Variants in MNS1 observed in about 807,000 individuals in gnomAD.
MNS1 encodes meiosis-specific nuclear structural protein 1.
MNS1 carries 63 observed loss-of-function variants against 72.0 expected under a neutral mutation model. The ratio of observed to expected loss-of-function variants is 0.87; its 90% CI spans 0.71 to 1.08. MNS1 has a LOEUF of 1.08. Ranked by LOEUF, MNS1 falls within the 50% of genes least tolerant of loss-of-function variation. The pLI is 0.00. For missense variants in MNS1, 604 were observed against 562.4 expected (o/e 1.07, Z -0.75); for synonymous variants, 188 against 172.1 (o/e 1.09, Z -0.72).
In MNS1 at chr15:56,464,026, CT is replaced by C; in HGVS notation, c.224del (p.Lys75ArgfsTer8). The part of the protein sequence containing the change: ...FELDMEEAIQ[K>X]AEENKRLKEL... ...AGTAACAATGAATAGTAAAACTTAC[CT>C]TTTGAATGGCCTCTTCCATATCCAA... On this transcript the variant is annotated frameshift_variant and splice_region_variant, in exon 2 of 10. Coordinates refer to ENST00000260453, the MANE Select transcript of MNS1 (RefSeq NM_018365.4). LOFTEE classifies it high-confidence loss of function. The C allele has an allele frequency of 1.9e-6, 3 of 1,601,654 alleles. No homozygotes were observed. Among genetic ancestry groups the C allele is most frequent in the Non-Finnish European group, 2.6e-6 (3 of 1,175,176 alleles).
At chr15:56,434,000 A>T in intron 8 of MNS1, 138 bp downstream of exon 8, 2 of 939,198 alleles carry the variant, frequency 2.1e-6, no homozygotes, top group African/African-American at 3.5e-5. Context: ...AAAAATGGTC[A>T]GAAAATTTAT....
intron 9 of MNS1, chr15:56,430,218 T>C (rs1212670497): frequency 1.3e-5 from 2 of 152,342 alleles, no homozygotes; most frequent in African/African-American, 4.8e-5. Context: ...TATTACTTTT[T>C]TAAGACAAGA....
At chr15:56,432,899 T>A (rs1414419016) in intron 8 of MNS1, among the ~76,000 whole-genome samples, 3 of 152,218 alleles carry the variant, frequency 2.0e-5, no homozygotes, top group African/African-American at 7.2e-5. Context: ...TTCCTCTAAA[T>A]TCTTCTCTTC....
Position 56,429,077 on chromosome 15 carries a change from A to C in MNS1, c.*24T>G. The stretch of plus-strand genomic sequence containing the variant: ...TCTAGTGGTAACATGCAAAAAATCT[A>C]TGCTTTACCCAATTTTGATGATATC... On this transcript the variant is annotated 3_prime_UTR_variant, in exon 10 of 10. Transcript: ENST00000260453. 1 of 1,488,608 alleles carries C rather than the reference A, an allele frequency of 6.7e-7. No individual in the cohort carries two copies. Among genetic ancestry groups the C allele is most frequent in the Non-Finnish European group, 9.2e-7 (1 of 1,086,846 alleles). 92.2% of individuals were successfully genotyped at this position (1,488,608 alleles called of 1,614,324 possible).
At chr15:56,434,957 CT>C (rs2140332133) in intron 7 of MNS1, among the ~76,000 whole-genome samples, 1 of 152,142 alleles carries the variant, frequency 6.6e-6, no homozygotes, top group Admixed American at 6.6e-5. Flanking sequence ...CAGTTAAGTC[CT>C]TTCCTATAAG....
rs73415835 is a variant in MNS1, at chr15:56,442,632, G to A, written c.1011+798C>T. Reference sequence around the variant, plus strand: ...AGGCCATTAGCCTATGCTAATTAATGCAGGGATAGAAAACCAAATACTACA... The same window carrying A: ...AGGCCATTAGCCTATGCTAATTAATACAGGGATAGAAAACCAAATACTACA... On this transcript the variant is annotated intron_variant, in intron 7 of 9. Transcript: ENST00000260453. 3.8e-3 allele frequency among the ~76,000 whole-genome samples: 586 copies of A among 152,304 alleles called. 3 individuals carry two copies. The highest frequency in any genetic ancestry group is 0.014 in the African/African-American group (566 of 41,574).
chr15:56,452,319 G>A (rs750187736), intron 3 of MNS1, among the ~76,000 whole-genome samples: 27 of 152,068 alleles, frequency 1.8e-4, no homozygotes, highest in Admixed American at 3.9e-4. Context: ...AAACACACAG[G>A]ACACGCTTAA....
intron 1 of MNS1, 100 bp downstream of exon 1, chr15:56,464,870 C>G: frequency 4.0e-6 from 6 of 1,505,594 alleles, no homozygotes; most frequent in Non-Finnish European, 2.7e-6. Context: ...AATTAATGAC[C>G]AGATTAAGCA....
intron 3 of MNS1, among the ~76,000 whole-genome samples, chr15:56,451,986 A>G (rs1384092332): frequency 6.6e-6 from 1 of 152,192 alleles, no homozygotes; most frequent in Non-Finnish European, 1.5e-5. Context: ...CTGATACAAC[A>G]TTTCATCAAT....
At chr15:56,458,283 C>G (rs534247806) in intron 2 of MNS1, among the ~76,000 whole-genome samples, 1 of 151,800 alleles carries the variant, frequency 6.6e-6, no homozygotes, top group African/African-American at 2.4e-5. Context: ...AGTTCCAGAG[C>G]CTTAAAAAAA....
intron 1 of MNS1, 101 bp from the exon 2 acceptor site, chr15:56,464,348 C>G (rs1177422201): frequency 5.9e-6 from 5 of 849,014 alleles, no homozygotes; most frequent in Non-Finnish European, 9.1e-6. Context: ...TACGAAGAGC[C>G]TGGCTTCCTT....
Position 56,434,387 on chromosome 15 carries a change from T to G in MNS1, c.1020A>C (p.Ala340=). Reference sequence around the variant, plus strand: ...CTTTTTGCTTTCTCAATTTCTTTTCTGCTTCTTCCTAAACAATACAGCTGA... The same window carrying G: ...CTTTTTGCTTTCTCAATTTCTTTTCGGCTTCTTCCTAAACAATACAGCTGA... ...EIYKSKLKEE[A]EKKLRKQKEM... Residue 340 remains alanine (A), a synonymous_variant, in exon 8 of 10, where the codon GCA becomes GCC. Coordinates refer to ENST00000260453, the MANE Select transcript of MNS1 (RefSeq NM_018365.4). 1 of 1,610,742 alleles carries G rather than the reference T, an allele frequency of 6.2e-7. No individual in the cohort carries two copies.
At chr15:56,433,004 CAT>C (rs2050639189) in intron 8 of MNS1, among the ~76,000 whole-genome samples, 1 of 152,118 alleles carries the variant, frequency 6.6e-6, no homozygotes, top group Non-Finnish European at 1.5e-5. Context: ...ACGGATGAGA[CAT>C]AAATAAGTCA....
chr15:56,444,969 A>G (rs1300683659), intron 4 of MNS1, among the ~76,000 whole-genome samples: 1 of 152,058 alleles, frequency 6.6e-6, no homozygotes, highest in East Asian at 1.9e-4. Context: ...TAGTTTCTTA[A>G]TAACTATTTA....
In MNS1 at chr15:56,464,049, C is replaced by G. The variant is rs1474084057; in HGVS notation, c.202G>C (p.Asp68His). 4 of 1,612,828 alleles carry G rather than the reference C, an allele frequency of 2.5e-6. No individual in the cohort carries two copies. In the East Asian group the frequency reaches 8.9e-5, roughly 36 times the overall value. ...RLLQNEQFEL[D>H]MEEAIQKAEE... ...ACCTTTTGAATGGCCTCTTCCATATCCAACTCAAATTGTTCATTTTGTAAT... is the reference window on the plus strand; with the variant it reads ...ACCTTTTGAATGGCCTCTTCCATATGCAACTCAAATTGTTCATTTTGTAAT... Residue 68 changes from aspartate to histidine, a missense_variant, in exon 2 of 10, where the codon GAT becomes CAT. Transcript: ENST00000260453.
rs1406950390 is a variant in MNS1, at chr15:56,434,372, T to G, written c.1035A>C (p.Arg345Ser). The G allele has an allele frequency of 1.9e-6, 3 of 1,612,268 alleles. No homozygotes were observed. Among genetic ancestry groups the G allele is most frequent in the Non-Finnish European group, 2.5e-6 (3 of 1,179,422 alleles). Residue 345 changes from arginine (R) to serine (S), a missense_variant, in exon 8 of 10, where the codon AGA (arginine) becomes AGC (serine). Transcript: ENST00000260453. Reference protein sequence around the residue: ...KLKEEAEKKLRKQKEMKQDFE... With the variant: ...KLKEEAEKKLSKQKEMKQDFE... ...AATCTTGCTTCATCTCTTTTTGCTT[T>G]CTCAATTTCTTTTCTGCTTCTTCCT...
chr15:56,460,009 A>AAAAAAAAAAAAAAAATATATATATATAT, intron 2 of MNS1, among the ~76,000 whole-genome samples: 2 of 26,388 alleles, frequency 7.6e-5, no homozygotes, highest in East Asian at 1.1e-3. Context: ...AAAAAAAAAA[A>AAAAAAAAAAAAAAAATATATATATATAT]ATACATATAT....
intron 3 of MNS1, among the ~76,000 whole-genome samples, chr15:56,448,723 A>G (rs2140366841): frequency 6.7e-6 from 1 of 150,062 alleles, no homozygotes; most frequent in East Asian, 1.9e-4. Context: ...TTTTGGTAGA[A>G]TGATTTGCTA....
chr15:56,443,823 CA>C lies in MNS1; in HGVS notation c.717del (p.Asn239LysfsTer7). 1.2e-6 allele frequency: 2 copies of C among 1,604,056 alleles called. No homozygotes were observed. Among genetic ancestry groups the C allele is most frequent in the Non-Finnish European group, 1.7e-6 (2 of 1,176,656 alleles). ...LEKQQKLEKM[N>X]AMRRYIEEFQ... is the part of the protein sequence containing the mutation. ...AACTCTTCTATATACCTTCGCATTG[CA>C]TTCATTTTTTCTAACTTTTGTTGTT... On this transcript the variant is annotated frameshift_variant, in exon 6 of 10. Transcript: ENST00000260453. LOFTEE classifies it high-confidence loss of function.
Sources: gnomAD v4.1 joint callset for allele counts (sites outside exome capture counted in the v4.1 genomes callset) on GRCh38, gnomAD v4.1.1 for gene constraint, MANE v1.5 for transcripts, NCBI Gene and HGNC (gene_info 2026-07-23, HGNC 2026-07-21) for gene names.